The following HTR7 variants were observed in gnomAD, a reference collection of about 807,000 sequenced individuals.
HTR7 encodes 5-hydroxytryptamine receptor 7.
A neutral mutation model predicts 34.0 loss-of-function variants in HTR7; 16 were observed. That is an observed-to-expected ratio of 0.47 (90% CI 0.32 to 0.71). The LOEUF (loss-of-function observed/expected upper bound fraction) is 0.71, where lower values mean the gene tolerates loss of function less well. Ranked by LOEUF, HTR7 falls within the 30% of genes least tolerant of loss-of-function variation. HTR7 has a pLI of 0.04. For missense variants in HTR7, 504 were observed against 625.5 expected (o/e 0.81, Z 2.07); for synonymous variants, 265 against 260.2 (o/e 1.02, Z -0.18).
At chr10:90,799,143 T>C (rs1845584617) in intron 1 of HTR7, among the ~76,000 whole-genome samples, 1 of 152,088 alleles carries the variant, frequency 6.6e-6, no homozygotes, top group South Asian at 2.1e-4. Flanking sequence ...GTAGCCCCTA[T>C]CCAGGAACTA....
chr10:90,767,624 A>C (rs967757708), intron 1 of HTR7, among the ~76,000 whole-genome samples: 6 of 152,152 alleles, frequency 3.9e-5, no homozygotes, highest in African/African-American at 1.4e-4. Context: ...AGAGTACAGC[A>C]AGTGATGCCA....
intron 1 of HTR7, among the ~76,000 whole-genome samples, chr10:90,798,008 T>C (rs1314628094): frequency 6.6e-6 from 1 of 152,186 alleles, no homozygotes; most frequent in Non-Finnish European, 1.5e-5. Context: ...ACTCTTTCTA[T>C]AATGGTATTA....
intron 1 of HTR7, among the ~76,000 whole-genome samples, chr10:90,814,107 G>C (rs1387993882): frequency 6.6e-6 from 1 of 152,188 alleles, no homozygotes; most frequent in African/African-American, 2.4e-5. Context: ...CTTGGCATGA[G>C]ATGACAAACC....
intron 1 of HTR7, among the ~76,000 whole-genome samples, chr10:90,787,227 C>T (rs772358072): frequency 3.9e-5 from 6 of 152,282 alleles, no homozygotes; most frequent in Non-Finnish European, 8.8e-5. Flanking sequence ...CAGTGGGTCA[C>T]GCCTGTAATC....
At chr10:90,774,425 T>C (rs767743145) in intron 1 of HTR7, among the ~76,000 whole-genome samples, 23 of 152,220 alleles carry the variant, frequency 1.5e-4, no homozygotes, top group Non-Finnish European at 2.8e-4. Flanking sequence ...AGCTTGTTCC[T>C]TGGGGAGAAA....
At chr10:90,792,411 C>T (rs541319688) in intron 1 of HTR7, among the ~76,000 whole-genome samples, 3 of 151,864 alleles carry the variant, frequency 2.0e-5, no homozygotes, top group African/African-American at 4.8e-5. Context: ...GCTATACCAG[C>T]AGGAATTAAT....
At chr10:90,763,135 T>G (rs1245705619) in intron 1 of HTR7, among the ~76,000 whole-genome samples, 1 of 152,220 alleles carries the variant, frequency 6.6e-6, no homozygotes, top group African/African-American at 2.4e-5. Flanking sequence ...TCTGATTCCA[T>G]ATGAATTTTA....
intron 1 of HTR7, among the ~76,000 whole-genome samples, chr10:90,840,703 C>T (rs1160280621): frequency 1.3e-5 from 2 of 152,220 alleles, no homozygotes; most frequent in Non-Finnish European, 2.9e-5. Flanking sequence ...TAACAGCTCA[C>T]ATTTATCAGC....
intron 1 of HTR7, among the ~76,000 whole-genome samples, chr10:90,842,092 A>C (rs1485123025): frequency 6.6e-6 from 1 of 152,218 alleles, no homozygotes; most frequent in Non-Finnish European, 1.5e-5. Flanking sequence ...CATATATTGG[A>C]ACTTGAACCT....
intron 1 of HTR7, among the ~76,000 whole-genome samples, chr10:90,767,642 T>A (rs959704964): frequency 5.3e-5 from 8 of 152,192 alleles, no homozygotes; most frequent in African/African-American, 1.9e-4. Context: ...CCATGTGACT[T>A]CTGAGGCTGA....
intron 1 of HTR7, among the ~76,000 whole-genome samples, chr10:90,853,273 TTTC>T (rs1564704039): frequency 6.9e-6 from 1 of 145,860 alleles, no homozygotes; most frequent in African/African-American, 2.6e-5. Context: ...AGTAATTTGA[TTTC>T]TTTTTTTTTT....
At chr10:90,831,297 G>A (rs967007429) in intron 1 of HTR7, among the ~76,000 whole-genome samples, 11 of 152,182 alleles carry the variant, frequency 7.2e-5, no homozygotes, top group East Asian at 1.9e-4. Context: ...GGCTGTGTTC[G>A]GAGTTTCTTC....
At chr10:90,808,141 A>T (rs1024253120) in intron 1 of HTR7, among the ~76,000 whole-genome samples, 3 of 152,144 alleles carry the variant, frequency 2.0e-5, no homozygotes, top group African/African-American at 7.2e-5. Context: ...GAGGTGTCAG[A>T]TCACGCAGGG....
chr10:90,825,247 G>C (rs1578628), intron 1 of HTR7, among the ~76,000 whole-genome samples: 291 of 152,072 alleles, frequency 1.9e-3, no homozygotes, highest in Non-Finnish European at 3.8e-3. Context: ...GAGTCTGCAG[G>C]CTTGTACCTC....
chr10:90,756,861 A>G (rs1844839227), intron 1 of HTR7, among the ~76,000 whole-genome samples: 1 of 152,164 alleles, frequency 6.6e-6, no homozygotes, highest in Admixed American at 6.5e-5. Context: ...AAAAGAAAAG[A>G]AAAAGAAAAA....
intron 1 of HTR7, among the ~76,000 whole-genome samples, chr10:90,839,525 A>G (rs1277711586): frequency 6.6e-6 from 1 of 152,230 alleles, no homozygotes; most frequent in Non-Finnish European, 1.5e-5. Flanking sequence ...GCATGCCCAG[A>G]AAAACAGAAT....
intron 1 of HTR7, among the ~76,000 whole-genome samples, chr10:90,831,466 A>C (rs1846175947): frequency 6.6e-6 from 1 of 152,100 alleles, no homozygotes; most frequent in South Asian, 2.1e-4. Flanking sequence ...CTTCGCTGTG[A>C]GTGTTACAGC....
chr10:90,818,188 G>C (rs1380326029), intron 1 of HTR7, among the ~76,000 whole-genome samples: 2 of 152,142 alleles, frequency 1.3e-5, no homozygotes, highest in Non-Finnish European at 2.9e-5. Context: ...GTCATTGAGG[G>C]CCCTGCCTTT....
intron 1 of HTR7, among the ~76,000 whole-genome samples, chr10:90,808,261 G>A (rs887012117): frequency 2.6e-5 from 4 of 151,658 alleles, no homozygotes; most frequent in Non-Finnish European, 4.4e-5. Context: ...CTTTCTGGGG[G>A]GCAAGAAACC....
Sources: allele counts gnomAD v4.1 joint callset (sites outside exome capture counted in the v4.1 genomes callset), GRCh38; gene constraint gnomAD v4.1.1; transcripts MANE v1.5; gene names NCBI Gene and HGNC (gene_info 2026-07-23, HGNC 2026-07-21).